The following CEP120 variants were observed in gnomAD, a reference collection of about 807,000 sequenced individuals.
CEP120 encodes the protein centrosomal protein of 120 kDa.
Under a neutral mutation model 126.5 loss-of-function variants are expected in CEP120, and 113 were observed. That is an observed-to-expected ratio of 0.89 (90% CI 0.77 to 1.04). The LOEUF is 1.04. Ranked by LOEUF, CEP120 falls within the 50% of genes least tolerant of loss-of-function variation. The pLI is 0.00. For synonymous variants in CEP120, 400 were observed against 394.3 expected (o/e 1.01, Z -0.17); for missense variants, 1,230 against 1,155.7 (o/e 1.06, Z -0.93).
At chr5:123,420,735 T>C (rs1217774465) in intron 1 of CEP120, among the ~76,000 whole-genome samples, 1 of 152,196 alleles carries the variant, frequency 6.6e-6, no homozygotes, top group Non-Finnish European at 1.5e-5. Flanking sequence ...ACTGAAAAGA[T>C]TATTACAGTA....
chr5:123,395,704 C>T (rs1421241615), intron 5 of CEP120, among the ~76,000 whole-genome samples: 2 of 119,614 alleles, frequency 1.7e-5, no homozygotes, highest in African/African-American at 6.5e-5. Context: ...TTTTTTGAGA[C>T]AGATTCTTGC....
chr5:123,393,064 T>C (rs1772512349), intron 6 of CEP120, among the ~76,000 whole-genome samples: 1 of 152,088 alleles, frequency 6.6e-6, no homozygotes, highest in Non-Finnish European at 1.5e-5. Flanking sequence ...CTGATATACC[T>C]CTTTTCTCAA....
intron 4 of CEP120, chr5:123,403,446 G>C: frequency 2.7e-6 from 1 of 376,880 alleles, no homozygotes; most frequent in Non-Finnish European, 5.1e-6. Flanking sequence ...ACAATTAAGC[G>C]TAGTTAAATA....
chr5:123,423,052 T>A lies in CEP120; in HGVS notation c.-54A>T. 1 of 1,504,722 alleles carries A rather than the reference T, an allele frequency of 6.6e-7. No individual in the cohort carries two copies. Among genetic ancestry groups the A allele is most frequent in the Non-Finnish European group, 9.2e-7 (1 of 1,082,060 alleles). 93.2% of individuals were successfully genotyped at this position (1,504,722 alleles called of 1,614,324 possible). On this transcript the variant is annotated 5_prime_UTR_variant, in exon 1 of 20. Coordinates refer to ENST00000306467, the MANE Select transcript of CEP120 (RefSeq NM_001375405.1). ...GCGGCTGGGGGGAAGTGAGGTCCAGTTGAGTCGCGGGTAATCCGGGACCCC... is the reference window on the plus strand; with the variant it reads ...GCGGCTGGGGGGAAGTGAGGTCCAGATGAGTCGCGGGTAATCCGGGACCCC...
At chr5:123,414,599 C>T (rs1774264536) in intron 3 of CEP120, among the ~76,000 whole-genome samples, 1 of 151,900 alleles carries the variant, frequency 6.6e-6, no homozygotes, top group African/African-American at 2.4e-5. Flanking sequence ...AAATTATGAC[C>T]CAAGACAATC....
At chr5:123,384,433 A>C (rs1444959037) in intron 11 of CEP120, among the ~76,000 whole-genome samples, 2 of 152,118 alleles carry the variant, frequency 1.3e-5, no homozygotes, top group African/African-American at 4.8e-5. Flanking sequence ...AAAAAAACGC[A>C]AGTTTTTCTT....
intron 17 of CEP120, among the ~76,000 whole-genome samples, chr5:123,364,984 C>G (rs879194317): frequency 6.6e-6 from 1 of 151,488 alleles, no homozygotes; most frequent in Non-Finnish European, 1.5e-5. Context: ...GCCAAATTTT[C>G]TTTTTGGAGG....
At chr5:123,351,905 A>T (rs1428009907) in intron 18 of CEP120, among the ~76,000 whole-genome samples, 2 of 152,124 alleles carry the variant, frequency 1.3e-5, no homozygotes, top group Non-Finnish European at 2.9e-5. Flanking sequence ...TTTGCAAAGT[A>T]GTCTTATCAA....
intron 19 of CEP120, 74 bp from the exon 20 acceptor site, chr5:123,346,827 G>A: frequency 9.4e-7 from 1 of 1,067,834 alleles, no homozygotes; most frequent in Non-Finnish European, 1.3e-6. Flanking sequence ...AAAACAAAAT[G>A]ATTCAATGGT....
At chr5:123,347,801 C>T (rs542235096) in intron 19 of CEP120, among the ~76,000 whole-genome samples, 31 of 152,204 alleles carry the variant, frequency 2.0e-4, no homozygotes, top group African/African-American at 7.5e-4. Flanking sequence ...CATGCCACCA[C>T]ACCCGGCTAA....
Position 123,401,793 on chromosome 5 carries a change from T to C in CEP120, c.464-2509A>G, listed in dbSNP as rs1391134487. The C allele has an allele frequency of 2.3e-5, 30 of 1,291,476 alleles. No individual in the cohort carries two copies. In the South Asian group the frequency reaches 2.8e-4, roughly 12 times the overall value. The allele number at this position is 1,291,476 out of a possible 1,614,324, so 80.0% of individuals were successfully genotyped here. On this transcript the variant is annotated intron_variant, in intron 4 of 19. Coordinates refer to ENST00000306467, the MANE Select transcript of CEP120 (RefSeq NM_001375405.1). The stretch of plus-strand genomic sequence containing the variant: ...TTCATTCTCCATCTCTGCACGCTTA[T>C]TGATCTCATCCTCATACTTGTTCTT...
Position 123,416,010 on chromosome 5 carries a change from C to G in CEP120, c.321G>C (p.Gln107His). 9 of 1,600,396 alleles carry G rather than the reference C, an allele frequency of 5.6e-6. No homozygotes were observed. Among genetic ancestry groups the G allele is most frequent in the Non-Finnish European group, 7.7e-6 (9 of 1,168,074 alleles). ...LDLRTAQETK[Q>H]APKWYQLLSN... ...TAGCAAAACATCAAAAGGGCAATAC[C>G]TGCTTTGTTTCTTGAGCGGTTCTTA... Residue 107 changes from glutamine (Q) to histidine (H), a missense_variant and splice_region_variant, in exon 3 of 20, where the codon CAG becomes CAC. Coordinates refer to ENST00000306467, the MANE Select transcript of CEP120 (RefSeq NM_001375405.1).
At chr5:123,372,222 A>G (rs1176905525) in intron 17 of CEP120, among the ~76,000 whole-genome samples, 3 of 152,114 alleles carry the variant, frequency 2.0e-5, no homozygotes, top group Non-Finnish European at 4.4e-5. Flanking sequence ...GCTACCACAG[A>G]ACAGTTCAAC....
intron 18 of CEP120, among the ~76,000 whole-genome samples, chr5:123,360,387 A>G (rs183176678): frequency 6.6e-6 from 1 of 151,982 alleles, no homozygotes; most frequent in Admixed American, 6.6e-5. Flanking sequence ...CAGAACATCA[A>G]TGATTCCTAG....
chr5:123,352,732 G>A (rs748041890), intron 18 of CEP120, among the ~76,000 whole-genome samples: 8 of 151,958 alleles, frequency 5.3e-5, no homozygotes, highest in African/African-American at 1.2e-4. Context: ...GAGATTTTAT[G>A]ATGATTATAT....
intron 19 of CEP120, among the ~76,000 whole-genome samples, chr5:123,349,232 C>A (rs562903132): frequency 2.0e-5 from 3 of 152,216 alleles, no homozygotes; most frequent in Admixed American, 1.3e-4. Flanking sequence ...TGAACTCTGG[C>A]TCCATGATTT....
At chr5:123,350,155 A>T in intron 18 of CEP120, 66 bp from the exon 19 acceptor site, 2 of 1,401,266 alleles carry the variant, frequency 1.4e-6, no homozygotes, top group Non-Finnish European at 2.0e-6. Flanking sequence ...TATGACTTTG[A>T]CTTGTGATTA....
At chr5:123,358,281 G>C (rs999688391) in intron 18 of CEP120, 3 of 152,106 alleles carry the variant, frequency 2.0e-5, no homozygotes, top group African/African-American at 7.2e-5. Context: ...AGTTGAGAAA[G>C]GGACACAGAG....
chr5:123,356,918 C>T (rs1769677698), intron 18 of CEP120, among the ~76,000 whole-genome samples: 1 of 151,566 alleles, frequency 6.6e-6, no homozygotes, highest in Non-Finnish European at 1.5e-5. Flanking sequence ...CATTTCAAAG[C>T]TTTCATTTGG....
Sources: allele counts gnomAD v4.1 joint callset (sites outside exome capture counted in the v4.1 genomes callset), GRCh38; gene constraint gnomAD v4.1.1; transcripts MANE v1.5; gene names NCBI Gene and HGNC (gene_info 2026-07-23, HGNC 2026-07-21).